ARL13B: variants seen among roughly 807,000 people sequenced by gnomAD.
ARL13B encodes the protein ADP-ribosylation factor-like protein 13B.
In ARL13B, 36 loss-of-function variants were observed where a neutral mutation model predicts 56.1. The observed-to-expected ratio is 0.64, with a 90% CI of 0.49 to 0.85. The LOEUF is 0.85. Ranked by LOEUF, ARL13B falls within the 40% of genes least tolerant of loss-of-function variation. The pLI, the probability that ARL13B is intolerant of heterozygous loss-of-function variation, is 0.00. For missense variants in ARL13B, 519 were observed against 507.1 expected (o/e 1.02, Z -0.23); for synonymous variants, 178 against 171.1 (o/e 1.04, Z -0.32).
rs1197655754 is a variant in ARL13B, at chr3:93,980,412, G to C, written c.-12G>C. 1 of 1,611,714 alleles carries C rather than the reference G, an allele frequency of 6.2e-7. No individual in the cohort carries two copies. The highest frequency in any genetic ancestry group is 1.3e-5 in the African/African-American group (1 of 74,912). On this transcript the variant is annotated 5_prime_UTR_variant, in exon 1 of 10. Transcript: ENST00000394222. ...GGGCTCGGATGGGAAGTGGTGGGAGGAGCGACCCGGGATGTTCAGTCTGAT... is the reference window on the plus strand; with the variant it reads ...GGGCTCGGATGGGAAGTGGTGGGAGCAGCGACCCGGGATGTTCAGTCTGAT...
rs114414639 is a variant in ARL13B at position 93,986,150 on chromosome 3, A to G, written c.59+5668A>G. Among the ~76,000 whole-genome samples, 402 of 152,250 alleles carry G rather than the reference A, an allele frequency of 2.6e-3. 3 individuals carry two copies. Among genetic ancestry groups the G allele is most frequent in the African/African-American group, 9.3e-3 (387 of 41,536 alleles). ...TCCCCCTAGTTCTTCTTGATTATGC[A>G]TAGTAAGAATTTTAGAATTTTAATA... On this transcript the variant is annotated intron_variant, in intron 1 of 9. Transcript: ENST00000394222.
At position 94,054,292 on chromosome 3, in the gene ARL13B, A is replaced by T. The variant is rs1325161502; in HGVS notation, c.*1029A>T. 2.2e-6 allele frequency: 1 copy of T among 444,998 alleles called. No individual in the cohort carries two copies. Among genetic ancestry groups the T allele is most frequent in the African/African-American group, 2.0e-5 (1 of 49,816 alleles). 27.6% of individuals were successfully genotyped at this position (444,998 alleles called of 1,614,324 possible). A position where few individuals can be genotyped will look rare whatever the true frequency, so the allele number is the denominator to read the frequency against. ...GGGAAACAGCTTGTGTACTAAAGTAATGAGAATAAAAATGTTGGCCCAAAA... is the reference window on the plus strand; with the variant it reads ...GGGAAACAGCTTGTGTACTAAAGTATTGAGAATAAAAATGTTGGCCCAAAA... On this transcript the variant is annotated 3_prime_UTR_variant, in exon 10 of 10. Transcript: ENST00000394222.
At chr3:93,990,198 G>C (rs1049449077) in intron 1 of ARL13B, among the ~76,000 whole-genome samples, 4 of 151,978 alleles carry the variant, frequency 2.6e-5, no homozygotes, top group African/African-American at 9.7e-5. Flanking sequence ...AGTAGAGATG[G>C]AGTTTCACCA....
At chr3:94,008,580 T>G (rs999209139) in intron 3 of ARL13B, among the ~76,000 whole-genome samples, 2 of 152,166 alleles carry the variant, frequency 1.3e-5, no homozygotes, top group Non-Finnish European at 2.9e-5. Flanking sequence ...CAGCTTAATC[T>G]GTTGAAATTT....
chr3:94,039,425 G>A (rs898087257), intron 5 of ARL13B, among the ~76,000 whole-genome samples: 6 of 151,346 alleles, frequency 4.0e-5, no homozygotes, highest in Admixed American at 2.6e-4. Context: ...GCGTGAACCC[G>A]GGAGGTGGAG....
At chr3:93,999,178 T>G (rs2076013240) in intron 2 of ARL13B, among the ~76,000 whole-genome samples, 1 of 152,008 alleles carries the variant, frequency 6.6e-6, no homozygotes, top group Non-Finnish European at 1.5e-5. Flanking sequence ...TGGCCTCAAG[T>G]GATCCTCCTG....
intron 3 of ARL13B, chr3:94,014,780 T>C: frequency 6.2e-7 from 1 of 1,613,944 alleles, no homozygotes; most frequent in South Asian, 1.1e-5. Context: ...AAAATAAATG[T>C]CTTGCACTTC....
intron 1 of ARL13B, among the ~76,000 whole-genome samples, chr3:93,986,270 G>T (rs1710456176): frequency 6.6e-6 from 1 of 152,164 alleles, no homozygotes; most frequent in Admixed American, 6.5e-5. Context: ...GGGCTTAAAA[G>T]CAGGCTATAA....
intron 3 of ARL13B, among the ~76,000 whole-genome samples, chr3:94,025,771 A>G (rs1402382531): frequency 2.0e-5 from 3 of 152,062 alleles, no homozygotes; most frequent in African/African-American, 4.8e-5. Context: ...GCCTAAGTGG[A>G]TATCTCACTT....
rs760160787 is a variant in ARL13B, at chr3:94,039,934, G to A, written c.744G>A (p.Glu248=). The A allele has an allele frequency of 6.8e-6, 11 of 1,613,996 alleles. No homozygotes were observed. The highest frequency in any genetic ancestry group is 1.6e-4 in the Middle Eastern group (1 of 6,084). ...AELDGTSGLA[E]LDPEPTNPFQ... ...TCGATGGAACCAGTGGTCTGGCTGA[G>A]TTGGACCCAGAACCAACGAATCCTT... Residue 248 remains glutamate (E), a synonymous_variant, in exon 6 of 10, where the codon GAG becomes GAA. Coordinates refer to ENST00000394222, the MANE Select transcript of ARL13B (RefSeq NM_001174150.2).
At chr3:94,040,704 CT>C (rs2076847048) in intron 6 of ARL13B, among the ~76,000 whole-genome samples, 1 of 133,708 alleles carries the variant, frequency 7.5e-6, no homozygotes, top group Non-Finnish European at 1.6e-5. Flanking sequence ...TTTTTTTTGT[CT>C]CCATTCTATC....
chr3:93,995,049 A>G (rs2075941841), intron 1 of ARL13B, among the ~76,000 whole-genome samples: 1 of 152,104 alleles, frequency 6.6e-6, no homozygotes, highest in South Asian at 2.1e-4. Context: ...TTCCAAATCC[A>G]TGGTGGTAAT....
intron 2 of ARL13B, among the ~76,000 whole-genome samples, chr3:94,002,592 A>G (rs964696280): frequency 1.3e-5 from 2 of 152,224 alleles, no homozygotes; most frequent in African/African-American, 4.8e-5. Context: ...TTTTCTCTGT[A>G]GCCATGAGTC....
At chr3:94,044,996 C>T (rs1576049086) in intron 7 of ARL13B, among the ~76,000 whole-genome samples, 1 of 151,862 alleles carries the variant, frequency 6.6e-6, no homozygotes, top group Admixed American at 6.6e-5. Context: ...GCGGTTTTGT[C>T]GAAAAGAAAA....
chr3:94,014,558 G>A, intron 3 of ARL13B: 1 of 1,612,614 alleles, frequency 6.2e-7, no homozygotes. Flanking sequence ...TCTACTAAAA[G>A]AGATATCTGA....
At chr3:94,040,526 C>T (rs1167463779) in intron 6 of ARL13B, among the ~76,000 whole-genome samples, 1 of 151,882 alleles carries the variant, frequency 6.6e-6, no homozygotes, top group Admixed American at 6.6e-5. Flanking sequence ...ATTATGAAGA[C>T]GTTAAGGGGT....
intron 7 of ARL13B, among the ~76,000 whole-genome samples, chr3:94,046,465 C>T (rs1002141629): frequency 8.5e-5 from 13 of 152,068 alleles, no homozygotes; most frequent in Middle Eastern, 3.4e-3. Context: ...CTGAACTCAA[C>T]GTCATTCCTT....
chr3:93,990,132 G>T (rs1178414948), intron 1 of ARL13B, among the ~76,000 whole-genome samples: 1 of 152,112 alleles, frequency 6.6e-6, no homozygotes, highest in African/African-American at 2.4e-5. Flanking sequence ...AGCCTTCTGA[G>T]TAGCTGGGAT....
intron 1 of ARL13B, among the ~76,000 whole-genome samples, chr3:93,983,198 A>T (rs1244577298): frequency 6.6e-6 from 1 of 152,152 alleles, no homozygotes; most frequent in Non-Finnish European, 1.5e-5. Context: ...TTTCCTAGTG[A>T]GCATATTATT....
Sources: gnomAD v4.1 joint callset for allele counts (sites outside exome capture counted in the v4.1 genomes callset) on GRCh38, gnomAD v4.1.1 for gene constraint, MANE v1.5 for transcripts, NCBI Gene and HGNC (gene_info 2026-07-23, HGNC 2026-07-21) for gene names.